DOCK10: variants seen among roughly 807,000 people sequenced by gnomAD.
The protein encoded by DOCK10 is dedicator of cytokinesis protein 10.
A neutral mutation model predicts 280.1 loss-of-function variants in DOCK10; 145 were observed. The ratio of observed to expected loss-of-function variants is 0.52; its 90% CI spans 0.45 to 0.59. DOCK10 has a LOEUF of 0.59. Among genes scored for constraint, DOCK10 ranks in the 20% least tolerant of loss-of-function variants. DOCK10 has a pLI of 0.00. For missense variants in DOCK10, 2,368 were observed against 2,651.7 expected, an observed-to-expected ratio of 0.89 and a Z score of 2.35; for synonymous variants, 915 against 942.2, an observed-to-expected ratio of 0.97 and a Z score of 0.53.
chr2:224,918,953 GGTGT>G (rs766521340), intron 2 of DOCK10, among the ~76,000 whole-genome samples: 5 of 144,722 alleles, frequency 3.5e-5, no homozygotes, highest in South Asian at 2.3e-4. Flanking sequence ...GAATGTGTGT[GGTGT>G]GTGTGTGTAT....
chr2:224,797,684 C>T, intron 42 of DOCK10, 148 bp downstream of exon 42: 1 of 856,624 alleles, frequency 1.2e-6, no homozygotes, highest in Non-Finnish European at 1.8e-6. Flanking sequence ...CATTTTGAGA[C>T]CAGGAATCAA....
chr2:224,972,586 G>A (rs949173863), intron 1 of DOCK10, among the ~76,000 whole-genome samples: 4 of 152,120 alleles, frequency 2.6e-5, no homozygotes, highest in African/African-American at 9.7e-5. Context: ...AATTACAAAT[G>A]AGATACAATC....
intron 1 of DOCK10, among the ~76,000 whole-genome samples, chr2:224,935,854 A>G (rs1482772423): frequency 6.6e-6 from 1 of 152,208 alleles, no homozygotes; most frequent in Admixed American, 6.5e-5. Flanking sequence ...TTTCATCCAG[A>G]TCCAAGAATT....
intron 1 of DOCK10, among the ~76,000 whole-genome samples, chr2:224,969,906 C>A (rs1441860394): frequency 3.9e-5 from 6 of 152,184 alleles, no homozygotes; most frequent in African/African-American, 1.2e-4. Flanking sequence ...TGCTTAATTT[C>A]TTTCCCTGCT....
intron 5 of DOCK10, 118 bp downstream of exon 5, chr2:224,886,341 C>A: frequency 6.9e-7 from 1 of 1,444,884 alleles, no homozygotes; most frequent in Non-Finnish European, 9.5e-7. Context: ...ACTAAAAGCC[C>A]TACCACCAAC....
intron 1 of DOCK10, among the ~76,000 whole-genome samples, chr2:225,026,173 T>C (rs1370930130): frequency 6.6e-6 from 1 of 151,890 alleles, no homozygotes; most frequent in African/African-American, 2.4e-5. Context: ...GTGGCTGAAG[T>C]GTGGCAAAGG....
At chr2:224,810,348 T>C (rs1693678207) in intron 31 of DOCK10, among the ~76,000 whole-genome samples, 1 of 151,910 alleles carries the variant, frequency 6.6e-6, no homozygotes, top group South Asian at 2.1e-4. Flanking sequence ...ATGGGAGAAA[T>C]GGGAGGTGGA....
chr2:224,840,909 A>G (rs1695918013), intron 23 of DOCK10, among the ~76,000 whole-genome samples: 1 of 152,196 alleles, frequency 6.6e-6, no homozygotes, highest in Non-Finnish European at 1.5e-5. Context: ...ACATAAACAT[A>G]ATGGAATACT....
At chr2:225,029,681 G>A (rs1167207537) in intron 1 of DOCK10, among the ~76,000 whole-genome samples, 2 of 152,114 alleles carry the variant, frequency 1.3e-5, no homozygotes, top group Non-Finnish European at 2.9e-5. Flanking sequence ...TTCAACATTA[G>A]CTCAAAAGTG....
intron 26 of DOCK10, among the ~76,000 whole-genome samples, chr2:224,833,460 A>C (rs895972943): frequency 1.4e-5 from 2 of 148,106 alleles, no homozygotes. Flanking sequence ...GAGCATCCCC[A>C]TGGCCAGCAC....
intron 50 of DOCK10, among the ~76,000 whole-genome samples, chr2:224,778,843 C>G (rs911526553): frequency 3.3e-5 from 5 of 152,182 alleles, no homozygotes; most frequent in Non-Finnish European, 1.5e-5. Flanking sequence ...CTCCCAAGTA[C>G]TGCTATTTAA....
intron 1 of DOCK10, among the ~76,000 whole-genome samples, chr2:225,013,770 T>C (rs1689509482): frequency 6.6e-6 from 1 of 152,154 alleles, no homozygotes; most frequent in Non-Finnish European, 1.5e-5. Flanking sequence ...CAATTCCTTT[T>C]GGTTCTCTTC....
At chr2:224,908,540 C>G (rs1700814819) in intron 3 of DOCK10, among the ~76,000 whole-genome samples, 1 of 152,020 alleles carries the variant, frequency 6.6e-6, no homozygotes, top group East Asian at 1.9e-4. Flanking sequence ...GTTGCCCAGG[C>G]TGAAGCTCAG....
In DOCK10 at chr2:224,765,768, T is replaced by C; in HGVS notation, c.6514A>G (p.Thr2172Ala). The change falls in exon 56 of 56, where the codon ACT becomes GCT. Residue 2172 changes from threonine to alanine, a missense_variant. Physicochemically the swap from Thr to Ala is moderately conservative, Grantham distance 58 (BLOSUM62 0). Transcript: ENST00000258390. Reference protein sequence around the residue: ...QTCTRVISKATPALPTVSISS... With the variant: ...QTCTRVISKAAPALPTVSISS... ...ATGGAGACCGTGGGTAGGGCCGGAG[T>C]TGCTTTGCTAATTACTCGAGTGCAG... The C allele has an allele frequency of 1.9e-6, 3 of 1,613,762 alleles. No individual in the cohort carries two copies. Among genetic ancestry groups the C allele is most frequent in the South Asian group, 2.2e-5 (2 of 91,044 alleles).
intron 4 of DOCK10, among the ~76,000 whole-genome samples, chr2:224,886,885 A>ACCCC (rs1699320005): frequency 3.0e-4 from 35 of 116,160 alleles, no homozygotes; most frequent in African/African-American, 1.6e-3. Context: ...CAGCACCCCC[A>ACCCC]ACACCCCCCC....
At chr2:224,930,227 A>G (rs1165258560) in intron 2 of DOCK10, among the ~76,000 whole-genome samples, 1 of 150,956 alleles carries the variant, frequency 6.6e-6, no homozygotes, top group East Asian at 1.9e-4. Flanking sequence ...AAAGAAAGAA[A>G]GAAGAAAGAA....
At chr2:224,911,765 C>A (rs578258188) in intron 3 of DOCK10, among the ~76,000 whole-genome samples, 1 of 152,224 alleles carries the variant, frequency 6.6e-6, no homozygotes, top group South Asian at 2.1e-4. Context: ...TATACAAATG[C>A]CGTATACACC....
intron 3 of DOCK10, among the ~76,000 whole-genome samples, chr2:224,899,659 T>A (rs1355806909): frequency 6.6e-6 from 1 of 151,962 alleles, no homozygotes; most frequent in Non-Finnish European, 1.5e-5. Context: ...ACAAAGTGAG[T>A]CGTTTTTATG....
chr2:224,804,776 G>T lies in DOCK10; in HGVS notation c.4166+18C>A. 1 of 1,459,222 alleles carries T rather than the reference G, an allele frequency of 6.9e-7. No individual in the cohort carries two copies. Among genetic ancestry groups the T allele is most frequent in the South Asian group, 1.4e-5 (1 of 73,112 alleles). The allele number at this position is 1,459,222 out of a possible 1,614,324, so 90.4% of individuals were successfully genotyped here. A position where few individuals can be genotyped will look rare whatever the true frequency, so the allele number is the denominator to read the frequency against. ...TTTTAAAAGACCAGATTAACCTATT[G>T]GAATTTAAAATTAGTACCTTATTAT... On this transcript the variant is annotated intron_variant, in intron 38 of 55. Transcript: ENST00000258390.
Sources: allele counts gnomAD v4.1 joint callset (sites outside exome capture counted in the v4.1 genomes callset), GRCh38; gene constraint gnomAD v4.1.1; transcripts MANE v1.5; gene names NCBI Gene and HGNC (gene_info 2026-07-23, HGNC 2026-07-21).